The following KHDRBS2 variants were observed in gnomAD, a reference collection of about 807,000 sequenced individuals.
KHDRBS2 encodes KH RNA binding domain containing, signal transduction associated 2.
A neutral mutation model predicts 44.3 loss-of-function variants in KHDRBS2; 26 were observed. The observed-to-expected ratio is 0.59, with a 90% CI of 0.43 to 0.81. The LOEUF (loss-of-function observed/expected upper bound fraction) is 0.81, where lower values mean the gene tolerates loss of function less well. Ranked by LOEUF, KHDRBS2 falls within the 40% of genes least tolerant of loss-of-function variation. The pLI is 0.00. For synonymous variants in KHDRBS2, 194 were observed against 151.1 expected, an observed-to-expected ratio of 1.28 and a Z score of -2.08; for missense variants, 476 against 433.1, an observed-to-expected ratio of 1.10 and a Z score of -0.88.
intron 4 of KHDRBS2, among the ~76,000 whole-genome samples, chr6:61,968,575 G>A (rs1770632268): frequency 6.6e-6 from 1 of 152,036 alleles, no homozygotes; most frequent in African/African-American, 2.4e-5. Flanking sequence ...GCAAGTGCTT[G>A]CTGAATGGTA....
the KHDRBS2 span, among the ~76,000 whole-genome samples, chr6:61,645,366 A>C: frequency 6.6e-6 from 1 of 151,996 alleles, no homozygotes; most frequent in Non-Finnish European, 1.5e-5. Flanking sequence ...ATTGGGTACT[A>C]GGCTTAGCAC....
chr6:61,683,415 T>C (rs1766509508), intron 8 of KHDRBS2, among the ~76,000 whole-genome samples: 1 of 151,860 alleles, frequency 6.6e-6, no homozygotes, highest in Non-Finnish European at 1.5e-5. Flanking sequence ...TGCTATTCAC[T>C]GTTGTTTCCC....
intron 2 of KHDRBS2, among the ~76,000 whole-genome samples, chr6:62,059,431 G>GAC (rs1473116894): frequency 6.6e-6 from 1 of 151,258 alleles, no homozygotes; most frequent in Non-Finnish European, 1.5e-5. Flanking sequence ...GCAGAATGAT[G>GAC]ACAACAGAAG....
chr6:61,788,841 C>A (rs1334387212), intron 6 of KHDRBS2, among the ~76,000 whole-genome samples: 3 of 150,298 alleles, frequency 2.0e-5, no homozygotes, highest in Admixed American at 6.7e-5. Context: ...TATCATGATG[C>A]CTGAAAAAAA....
At chr6:61,963,394 C>A (rs182761272) in intron 4 of KHDRBS2, among the ~76,000 whole-genome samples, 137 of 152,156 alleles carry the variant, frequency 9.0e-4, no homozygotes, top group African/African-American at 3.2e-3. Context: ...ATATAACAAT[C>A]TCTAAAGTAT....
At chr6:61,719,855 G>A (rs1470313358) in intron 7 of KHDRBS2, among the ~76,000 whole-genome samples, 9 of 151,850 alleles carry the variant, frequency 5.9e-5, no homozygotes, top group African/African-American at 7.3e-5. Flanking sequence ...GTATACATGT[G>A]CCATGTTGGT....
chr6:61,947,697 T>G, intron 4 of KHDRBS2, among the ~76,000 whole-genome samples: 1 of 151,958 alleles, frequency 6.6e-6, no homozygotes, highest in East Asian at 1.9e-4. Flanking sequence ...TAGTGTGAAT[T>G]TTCAGCACAC....
intron 6 of KHDRBS2, among the ~76,000 whole-genome samples, chr6:61,861,064 GT>G (rs1286139109): frequency 1.3e-5 from 2 of 151,856 alleles, no homozygotes; most frequent in African/African-American, 4.8e-5. Context: ...TAATGAGGTT[GT>G]TTTTTTCTTT....
chr6:61,597,861 C>G, the KHDRBS2 span, among the ~76,000 whole-genome samples: 3 of 130,084 alleles, frequency 2.3e-5, no homozygotes, highest in Non-Finnish European at 5.0e-5. Context: ...AACACACAAA[C>G]AAAGAAACAT....
the KHDRBS2 span, among the ~76,000 whole-genome samples, chr6:61,620,070 CT>C: frequency 1.3e-5 from 2 of 151,994 alleles, no homozygotes; most frequent in African/African-American, 4.8e-5. Context: ...TTTTCCATTG[CT>C]GTTGGCTATT....
chr6:62,052,024 T>C (rs539963587), intron 2 of KHDRBS2, among the ~76,000 whole-genome samples: 3 of 151,838 alleles, frequency 2.0e-5, no homozygotes, highest in Admixed American at 1.3e-4. Context: ...GTATTTTTTG[T>C]AGACTGCCCA....
intron 2 of KHDRBS2, among the ~76,000 whole-genome samples, chr6:62,105,441 G>C (rs1802969321): frequency 6.6e-6 from 1 of 152,098 alleles, no homozygotes; most frequent in South Asian, 2.1e-4. Flanking sequence ...ATTGATTATT[G>C]CCACAATTTC....
chr6:61,957,574 C>T (rs1767680024), intron 4 of KHDRBS2, among the ~76,000 whole-genome samples: 1 of 152,164 alleles, frequency 6.6e-6, no homozygotes, highest in Non-Finnish European at 1.5e-5. Context: ...GTAGTGCTCC[C>T]AGGCTCATTA....
chr6:61,783,719 TTTA>T (rs1283767661), intron 6 of KHDRBS2, among the ~76,000 whole-genome samples: 1 of 152,000 alleles, frequency 6.6e-6, no homozygotes, highest in Non-Finnish European at 1.5e-5. Context: ...GTGAAATGTA[TTTA>T]TTTTCTAAAA....
the KHDRBS2 span, among the ~76,000 whole-genome samples, chr6:61,612,902 G>C: frequency 7.3e-6 from 1 of 137,152 alleles, no homozygotes; most frequent in Non-Finnish European, 1.5e-5. Flanking sequence ...GCCCAGGCTG[G>C]AGTGCAGTGG....
At chr6:61,788,570 A>G (rs1885408) in intron 6 of KHDRBS2, among the ~76,000 whole-genome samples, 24,312 of 151,220 alleles carry the variant, frequency 0.16, 2,437 homozygotes, top group East Asian at 0.29. Flanking sequence ...ATTTTATGTG[A>G]ATGTAATATT....
rs1015948483 is a variant in KHDRBS2, at chr6:61,815,070, T to A, written c.810+79565A>T. 1.2e-4 allele frequency among the ~76,000 whole-genome samples: 18 copies of A among 152,118 alleles called. 1 individual carries two copies. Among genetic ancestry groups the A allele is most frequent in the Admixed American group, 1.1e-3 (17 of 15,260 alleles). ...GGAAATAACGACAATAGTCTGTACATGTTTAGTACAGGCACAACCACTCAT... is the reference window on the plus strand; with the variant it reads ...GGAAATAACGACAATAGTCTGTACAAGTTTAGTACAGGCACAACCACTCAT... On this transcript the variant is annotated intron_variant, in intron 6 of 8. Transcript: ENST00000281156.
rs114966511 is a variant in KHDRBS2, at chr6:61,681,693, A to T, written c.953-633T>A. On this transcript the variant is annotated intron_variant, in intron 8 of 8. Transcript: ENST00000281156. ...AAGTAAACAACTCAGTAAATAAAGA[A>T]GTATTAGTACACCAGGAAAACTCCA... is the stretch of plus-strand genomic sequence containing the variant. 5.9e-3 allele frequency among the ~76,000 whole-genome samples: 899 copies of T among 152,062 alleles called. 11 individuals carry two copies. The highest frequency in any genetic ancestry group is 0.02 in the African/African-American group (849 of 41,532).
chr6:61,955,311 T>C (rs914410459), intron 4 of KHDRBS2, among the ~76,000 whole-genome samples: 6 of 147,006 alleles, frequency 4.1e-5, no homozygotes, highest in African/African-American at 1.5e-4. Flanking sequence ...CATATATATG[T>C]ATACATATAC....
Sources: gnomAD v4.1 joint callset for allele counts (sites outside exome capture counted in the v4.1 genomes callset) on GRCh38, gnomAD v4.1.1 for gene constraint, MANE v1.5 for transcripts, NCBI Gene and HGNC (gene_info 2026-07-23, HGNC 2026-07-21) for gene names.